KIAA0825: variants seen among roughly 807,000 people sequenced by gnomAD.
The protein encoded by KIAA0825 is KIAA0825.
A neutral mutation model predicts 147.6 loss-of-function variants in KIAA0825; 119 were observed. The observed-to-expected ratio is 0.81, with a 90% CI of 0.69 to 0.94. KIAA0825 has a LOEUF of 0.94. Ranked by LOEUF, KIAA0825 falls within the 40% of genes least tolerant of loss-of-function variation. The pLI, the probability that KIAA0825 is intolerant of heterozygous loss-of-function variation, is 0.00. For synonymous variants in KIAA0825, 470 were observed against 518.1 expected (o/e 0.91, Z 1.26); for missense variants, 1,381 against 1,472.7 (o/e 0.94, Z 1.02).
At position 94,529,405 on chromosome 5, in the gene KIAA0825, C is replaced by A. The variant is rs28703577; in HGVS notation, c.132-5307G>T. 7.7e-3 allele frequency among the ~76,000 whole-genome samples: 743 copies of A among 96,902 alleles called. 11 individuals are homozygous for A. Among genetic ancestry groups the A allele is most frequent in the African/African-American group, 0.016 (482 of 30,020 alleles). 63.6% of individuals were successfully genotyped at this position (96,902 alleles called of 152,430 possible). Reference sequence around the variant, plus strand: ...ATATATGTATATATCATATGTATATCTCATATATGTATATATCATATGTAT... The same window carrying A: ...ATATATGTATATATCATATGTATATATCATATATGTATATATCATATGTAT... On this transcript the variant is annotated intron_variant, in intron 3 of 20. Coordinates refer to ENST00000682413, the MANE Select transcript of KIAA0825 (RefSeq NM_001145678.3).
chr5:94,413,549 T>C (rs1172724538), intron 15 of KIAA0825: 1 of 152,186 alleles, frequency 6.6e-6, no homozygotes, highest in Non-Finnish European at 1.5e-5. Flanking sequence ...AATATATAGA[T>C]TTCTATTTAT....
chr5:94,338,442 G>T (rs941024431), intron 20 of KIAA0825, among the ~76,000 whole-genome samples: 3 of 151,842 alleles, frequency 2.0e-5, no homozygotes, highest in Non-Finnish European at 2.9e-5. Flanking sequence ...TGTATGTGTG[G>T]GTGTGTGTGT....
rs185815227 is a variant in KIAA0825, at chr5:94,329,509, A to G, written c.3710+54859T>C. Among the ~76,000 whole-genome samples, 314 of 152,270 alleles carry G rather than the reference A, an allele frequency of 2.1e-3. 2 individuals are homozygous for G. The highest frequency in any genetic ancestry group is 7.4e-3 in the African/African-American group (307 of 41,564). On this transcript the variant is annotated intron_variant, in intron 20 of 20. Transcript: ENST00000682413. ...CTTTCTGGTAAAAATATCAAGTTAT[A>G]TATGTATATGAATGTAGTATATTTT...
chr5:94,230,875 T>C (rs952446202), intron 20 of KIAA0825, among the ~76,000 whole-genome samples: 1 of 152,142 alleles, frequency 6.6e-6, no homozygotes, highest in Non-Finnish European at 1.5e-5. Context: ...ACATGCAACA[T>C]AAAATATTAC....
intron 2 of KIAA0825, among the ~76,000 whole-genome samples, chr5:94,546,260 T>G (rs1223451776): frequency 6.6e-6 from 1 of 152,122 alleles, no homozygotes; most frequent in Non-Finnish European, 1.5e-5. Context: ...TCCAAGACAG[T>G]AGCTATGAAC....
intron 20 of KIAA0825, among the ~76,000 whole-genome samples, chr5:94,266,114 C>G (rs1158202684): frequency 6.6e-6 from 1 of 152,112 alleles, no homozygotes. Flanking sequence ...CTGAAATTAA[C>G]ATAGTAAAAC....
chr5:94,289,693 T>C (rs1045037371), intron 20 of KIAA0825, among the ~76,000 whole-genome samples: 2 of 151,304 alleles, frequency 1.3e-5, no homozygotes, highest in Non-Finnish European at 2.9e-5. Context: ...AGTGAATAAA[T>C]GAATGAACAA....
intron 2 of KIAA0825, among the ~76,000 whole-genome samples, chr5:94,564,774 G>T (rs1216378442): frequency 6.6e-6 from 1 of 151,994 alleles, no homozygotes; most frequent in Non-Finnish European, 1.5e-5. Context: ...CTATGTATGA[G>T]GAAACCGAAT....
At chr5:94,494,314 CTTTTTTT>C (rs530332272) in intron 5 of KIAA0825, among the ~76,000 whole-genome samples, 6 of 111,870 alleles carry the variant, frequency 5.4e-5, no homozygotes, top group African/African-American at 1.2e-4. Flanking sequence ...ATATTCAATC[CTTTTTTT>C]TTTTTTTTTT....
chr5:94,282,281 A>G (rs1480798567), intron 20 of KIAA0825, among the ~76,000 whole-genome samples: 1 of 152,144 alleles, frequency 6.6e-6, no homozygotes, highest in Non-Finnish European at 1.5e-5. Context: ...TCTCCCAACC[A>G]AAATTCCAGG....
chr5:94,579,404 T>C (rs1781665217), intron 2 of KIAA0825, among the ~76,000 whole-genome samples: 1 of 152,238 alleles, frequency 6.6e-6, no homozygotes, highest in Admixed American at 6.5e-5. Flanking sequence ...CAATAAATGT[T>C]ATCTCTTAGT....
intron 2 of KIAA0825, among the ~76,000 whole-genome samples, chr5:94,565,449 C>T (rs960546423): frequency 6.6e-6 from 1 of 150,624 alleles, no homozygotes; most frequent in Admixed American, 6.6e-5. Context: ...TGAGGCAATT[C>T]TCCTGCCTCA....
intron 1 of KIAA0825, among the ~76,000 whole-genome samples, chr5:94,605,999 T>C (rs1787422823): frequency 6.6e-6 from 1 of 152,208 alleles, no homozygotes; most frequent in African/African-American, 2.4e-5. Flanking sequence ...CATGATTCTA[T>C]ATCTAGAAAA....
intron 15 of KIAA0825, among the ~76,000 whole-genome samples, chr5:94,408,307 A>G (rs1752328077): frequency 6.6e-6 from 1 of 152,136 alleles, no homozygotes; most frequent in African/African-American, 2.4e-5. Context: ...CTTTTGTGCA[A>G]TCAGAGTGAA....
At chr5:94,301,816 A>G (rs1778420581) in intron 20 of KIAA0825, among the ~76,000 whole-genome samples, 1 of 152,196 alleles carries the variant, frequency 6.6e-6, no homozygotes, top group Admixed American at 6.6e-5. Context: ...TATGCTGATT[A>G]CATCTAATAG....
chr5:94,237,461 A>C (rs574466582), intron 20 of KIAA0825, among the ~76,000 whole-genome samples: 1 of 152,342 alleles, frequency 6.6e-6, no homozygotes, highest in Non-Finnish European at 1.5e-5. Flanking sequence ...TGAGGAAAAG[A>C]AAGCAAGCCA....
chr5:94,614,811 TAG>T (rs1789963488), intron 1 of KIAA0825, among the ~76,000 whole-genome samples: 1 of 152,216 alleles, frequency 6.6e-6, no homozygotes, highest in South Asian at 2.1e-4. Flanking sequence ...TCTCTCCTAG[TAG>T]ACTGTAAGTG....
intron 15 of KIAA0825, 93 bp from the exon 16 acceptor site, chr5:94,403,886 T>C: frequency 9.6e-7 from 1 of 1,038,638 alleles, no homozygotes; most frequent in Middle Eastern, 2.7e-4. Flanking sequence ...TCATCTAGTT[T>C]AAAGCTATAG....
chr5:94,510,349 T>G (rs571520971), intron 5 of KIAA0825, among the ~76,000 whole-genome samples: 5 of 152,250 alleles, frequency 3.3e-5, no homozygotes, highest in Non-Finnish European at 7.3e-5. Flanking sequence ...TGCACTTACC[T>G]GCTAACTTGG....
Sources: gnomAD v4.1 joint callset for allele counts (sites outside exome capture counted in the v4.1 genomes callset) on GRCh38, gnomAD v4.1.1 for gene constraint, MANE v1.5 for transcripts, NCBI Gene and HGNC (gene_info 2026-07-23, HGNC 2026-07-21) for gene names.